PRLR: variants seen among roughly 807,000 people sequenced by gnomAD.
PRLR encodes hPRL receptor.
PRLR carries 13 observed loss-of-function variants against 40.2 expected under a neutral mutation model. The ratio of observed to expected loss-of-function variants is 0.32; its 90% CI spans 0.21 to 0.51. PRLR has a LOEUF of 0.51. Ranked by LOEUF, PRLR falls within the 20% of genes least tolerant of loss-of-function variation. The pLI is 0.97. For synonymous variants in PRLR, 269 were observed against 278.7 expected (o/e 0.97, Z 0.35); for missense variants, 656 against 747.3 (o/e 0.88, Z 1.42).
intron 1 of PRLR, 84 bp from the exon 2 acceptor site, chr5:35,118,206 G>A: frequency 1.5e-6 from 1 of 660,580 alleles, no homozygotes; most frequent in Non-Finnish European, 1.9e-6. Context: ...TACGTAGCAT[G>A]GCTGAACATT....
In PRLR at chr5:35,155,320, T is replaced by C. The variant is rs368682993; in HGVS notation, c.-105-37198A>G. ...CATGTTGTAATCAATTCTACTCATT[T>C]GTGAAGCTGAGGTGAGGTGTGTGGC... is the stretch of plus-strand genomic sequence containing the variant. On this transcript the variant is annotated intron_variant, in intron 1 of 9. Coordinates refer to ENST00000618457, the MANE Select transcript of PRLR (RefSeq NM_000949.7). Among the ~76,000 whole-genome samples the C allele has an allele frequency of 3.2e-4, 48 of 152,336 alleles. 2 individuals are homozygous for C. The East Asian group carries it at 4.4e-3, about 14-fold the overall frequency.
chr5:35,109,918 A>C (rs1479153538), intron 2 of PRLR, among the ~76,000 whole-genome samples: 1 of 152,182 alleles, frequency 6.6e-6, no homozygotes, highest in Non-Finnish European at 1.5e-5. Context: ...ACATGCACAC[A>C]TATGTTTATT....
chr5:35,101,634 T>G (rs1277720768), intron 2 of PRLR, among the ~76,000 whole-genome samples: 1 of 151,896 alleles, frequency 6.6e-6, no homozygotes, highest in African/African-American at 2.4e-5. Context: ...AAACATATTT[T>G]TCTGGCATCA....
intron 1 of PRLR, among the ~76,000 whole-genome samples, chr5:35,218,773 ACT>A (rs1026345834): frequency 2.6e-5 from 4 of 151,556 alleles, no homozygotes; most frequent in East Asian, 1.9e-4. Flanking sequence ...AATTAATATG[ACT>A]CTCTTTTTTT....
At chr5:35,201,609 T>C (rs1775884192) in intron 1 of PRLR, among the ~76,000 whole-genome samples, 1 of 152,232 alleles carries the variant, frequency 6.6e-6, no homozygotes, top group Non-Finnish European at 1.5e-5. Flanking sequence ...TTTACAGCCA[T>C]TAACTTGGAT....
intron 1 of PRLR, among the ~76,000 whole-genome samples, chr5:35,122,276 C>T (rs1477470830): frequency 2.0e-5 from 3 of 151,998 alleles, no homozygotes; most frequent in African/African-American, 7.3e-5. Flanking sequence ...GGTACATGCT[C>T]AGGGTGTGCA....
intron 1 of PRLR, among the ~76,000 whole-genome samples, chr5:35,144,929 T>A (rs1341098701): frequency 6.6e-6 from 1 of 152,176 alleles, no homozygotes; most frequent in Non-Finnish European, 1.5e-5. Context: ...GCCAGAGTTC[T>A]GGGAATAAAA....
At chr5:35,202,786 T>C (rs1268025612) in intron 1 of PRLR, among the ~76,000 whole-genome samples, 2 of 152,200 alleles carry the variant, frequency 1.3e-5, no homozygotes, top group African/African-American at 4.8e-5. Context: ...AAAGTAATAA[T>C]ATACTTTATT....
intron 1 of PRLR, among the ~76,000 whole-genome samples, chr5:35,148,795 A>G (rs1477092264): frequency 6.6e-6 from 1 of 152,170 alleles, no homozygotes; most frequent in Admixed American, 6.5e-5. Flanking sequence ...CAAAAATTTG[A>G]TATTGCAAAC....
At chr5:35,137,816 G>A (rs1773904972) in intron 1 of PRLR, among the ~76,000 whole-genome samples, 1 of 152,176 alleles carries the variant, frequency 6.6e-6, no homozygotes, top group South Asian at 2.1e-4. Flanking sequence ...CGAGGCTGAG[G>A]CAGGAGAATC....
At chr5:35,086,612 A>T (rs1179814251) in intron 3 of PRLR, among the ~76,000 whole-genome samples, 1 of 151,530 alleles carries the variant, frequency 6.6e-6, no homozygotes, top group Non-Finnish European at 1.5e-5. Context: ...GATGGAGATA[A>T]CAATAGCCTA....
intron 1 of PRLR, among the ~76,000 whole-genome samples, chr5:35,178,347 T>C (rs892136846): frequency 6.6e-6 from 1 of 152,160 alleles, no homozygotes; most frequent in Admixed American, 6.5e-5. Context: ...ATATACTGAG[T>C]ATCGGCAGTT....
chr5:35,143,924 C>CA lies in PRLR; in HGVS notation c.-105-25803dup, dbSNP rs5867268. On this transcript the variant is annotated intron_variant, in intron 1 of 9. Transcript: ENST00000618457. ...AACAAACAAAATTTTTAAAAAACGACAAAAAAAAAATCATGGGCCCGATCA... is the reference window on the plus strand; with the variant it reads ...AACAAACAAAATTTTTAAAAAACGACAAAAAAAAAAATCATGGGCCCGATCA... 6.1e-4 allele frequency among the ~76,000 whole-genome samples: 92 copies of CA among 151,022 alleles called. 1 individual carries two copies. The East Asian group carries it at 0.017, about 28-fold the overall frequency.
At chr5:35,053,268 C>T (rs754900153), downstream of PRLR, among the ~76,000 whole-genome samples, 18 of 152,026 alleles carry the variant, frequency 1.2e-4, no homozygotes, top group Admixed American at 1.2e-3. Context: ...GTGGTGATAC[C>T]GTTGTAAAAA....
intron 1 of PRLR, among the ~76,000 whole-genome samples, chr5:35,147,096 G>A (rs1054220371): frequency 1.3e-5 from 2 of 152,156 alleles, no homozygotes; most frequent in Non-Finnish European, 2.9e-5. Flanking sequence ...AGCCATTAGA[G>A]GTCAGTCCAT....
At chr5:35,117,031 GC>G in intron 2 of PRLR, among the ~76,000 whole-genome samples, 1 of 152,278 alleles carries the variant, frequency 6.6e-6, no homozygotes, top group South Asian at 2.1e-4. Flanking sequence ...GGTTGTTAGA[GC>G]TGGGGTGGGG....
At chr5:35,173,877 C>T (rs1238255708) in intron 1 of PRLR, among the ~76,000 whole-genome samples, 1 of 152,028 alleles carries the variant, frequency 6.6e-6, no homozygotes, top group African/African-American at 2.4e-5. Flanking sequence ...TACGTGTGCA[C>T]AACGTGCATG....
At chr5:35,089,192 A>G (rs1296136787) in intron 3 of PRLR, among the ~76,000 whole-genome samples, 2 of 152,234 alleles carry the variant, frequency 1.3e-5, no homozygotes, top group South Asian at 2.1e-4. Context: ...TAGAGGAAAC[A>G]TCACTGTCCT....
At chr5:35,228,335 T>G (rs1193160994) in intron 1 of PRLR, among the ~76,000 whole-genome samples, 2 of 151,888 alleles carry the variant, frequency 1.3e-5, no homozygotes, top group African/African-American at 4.8e-5. Context: ...AGTCAAGATC[T>G]GAAGCCCAGT....
Sources: gnomAD v4.1 joint callset for allele counts (sites outside exome capture counted in the v4.1 genomes callset) on GRCh38, gnomAD v4.1.1 for gene constraint, MANE v1.5 for transcripts, NCBI Gene and HGNC (gene_info 2026-07-23, HGNC 2026-07-21) for gene names.